PCDHA13: variants seen among roughly 807,000 people sequenced by gnomAD.
The protein encoded by PCDHA13 is protocadherin alpha-13.
Under a neutral mutation model 64.8 loss-of-function variants are expected in PCDHA13, and 54 were observed. The ratio of observed to expected loss-of-function variants is 0.83; its 90% CI spans 0.67 to 1.04. The LOEUF (loss-of-function observed/expected upper bound fraction) is 1.04. PCDHA13 is among the 50% of genes least tolerant of loss of function. PCDHA13 has a pLI of 0.00. For synonymous variants in PCDHA13, 587 were observed against 564.4 expected (o/e 1.04, Z -0.57); for missense variants, 1,248 against 1,254.3 (o/e 0.99, Z 0.08).
chr5:140,988,324 C>T (rs2097292768), intron 3 of PCDHA13, among the ~76,000 whole-genome samples: 1 of 152,206 alleles, frequency 6.6e-6, no homozygotes, highest in African/African-American at 2.4e-5. Flanking sequence ...CTTTCTCTAC[C>T]CGAGGAAAGT....
At chr5:141,004,597 C>CTTAG (rs1554259623) in intron 3 of PCDHA13, among the ~76,000 whole-genome samples, 1 of 152,218 alleles carries the variant, frequency 6.6e-6, no homozygotes, top group African/African-American at 2.4e-5. Flanking sequence ...GATGACAGTG[C>CTTAG]TTAGGCCTCA....
intron 1 of PCDHA13, among the ~76,000 whole-genome samples, chr5:140,917,338 G>GGGGGGGGTGGGT (rs2078134893): frequency 7.3e-6 from 1 of 137,894 alleles, no homozygotes; most frequent in Non-Finnish European, 1.6e-5. Flanking sequence ...GGAGGGGGGG[G>GGGGGGGGTGGGT]ATGGTGTAGG....
intron 3 of PCDHA13, among the ~76,000 whole-genome samples, chr5:140,992,857 C>G (rs1234991129): frequency 6.6e-6 from 1 of 152,148 alleles, no homozygotes; most frequent in African/African-American, 2.4e-5. Context: ...ACCAGTTTCA[C>G]TCTAGCTCCC....
At chr5:140,968,684 G>A in intron 1 of PCDHA13, 1 of 1,614,140 alleles carries the variant, frequency 6.2e-7, no homozygotes, top group Non-Finnish European at 8.5e-7. Flanking sequence ...GCTGCACACA[G>A]GAGAAATTAG....
intron 1 of PCDHA13, among the ~76,000 whole-genome samples, chr5:140,909,839 C>A (rs2074714040): frequency 1.3e-5 from 2 of 152,146 alleles, no homozygotes; most frequent in Admixed American, 6.5e-5. Context: ...GGAGGACCAC[C>A]AGGACGTTTT....
chr5:140,926,905 G>A (rs1228610236), intron 1 of PCDHA13: 1 of 1,558,988 alleles, frequency 6.4e-7, no homozygotes, highest in Admixed American at 1.8e-5. Flanking sequence ...GGTGGGCTGT[G>A]GGGTGGCAGT....
At chr5:140,969,468 AT>A (rs1264391543) in intron 1 of PCDHA13, 1 of 1,486,422 alleles carries the variant, frequency 6.7e-7, no homozygotes, top group Non-Finnish European at 9.0e-7. Context: ...AGTATCCACA[AT>A]TTGATCATAA....
intron 1 of PCDHA13, among the ~76,000 whole-genome samples, chr5:140,949,595 G>A (rs1342869045): frequency 1.3e-5 from 2 of 151,566 alleles, no homozygotes; most frequent in Admixed American, 6.6e-5. Context: ...TATTAATGTG[G>A]CCATTCTAGT....
Position 140,927,881 on chromosome 5 carries a change from T to C in PCDHA13, c.2394+43219T>C, listed in dbSNP as rs781982234. 10 of 1,613,978 alleles carry C rather than the reference T, an allele frequency of 6.2e-6. No homozygotes were observed. Among genetic ancestry groups the C allele is most frequent in the Non-Finnish European group, 8.5e-6 (10 of 1,180,010 alleles). Reference sequence around the variant, plus strand: ...AGCACCGCTAAACTGCTGGTGGAGGTGACTGACGTGAACGATCATGCCCCC... The same window carrying C: ...AGCACCGCTAAACTGCTGGTGGAGGCGACTGACGTGAACGATCATGCCCCC... On this transcript the variant is annotated intron_variant, in intron 1 of 3. Coordinates refer to ENST00000289272, the MANE Select transcript of PCDHA13 (RefSeq NM_018904.3).
intron 1 of PCDHA13, among the ~76,000 whole-genome samples, chr5:140,974,338 A>G (rs1554235945): frequency 6.6e-6 from 1 of 152,212 alleles, no homozygotes; most frequent in Non-Finnish European, 1.5e-5. Flanking sequence ...CTAGCAGGCT[A>G]TGCATCCAGA....
intron 1 of PCDHA13, among the ~76,000 whole-genome samples, chr5:140,976,505 C>T (rs538128648): frequency 3.3e-5 from 5 of 152,122 alleles, no homozygotes; most frequent in East Asian, 3.9e-4. Flanking sequence ...GAGCCAAGAT[C>T]GCGCCACTGC....
At chr5:140,942,364 A>AT (rs1401660324) in intron 1 of PCDHA13, among the ~76,000 whole-genome samples, 1 of 152,040 alleles carries the variant, frequency 6.6e-6, no homozygotes, top group Non-Finnish European at 1.5e-5. Context: ...GTTAACGGAG[A>AT]TTGCACCACT....
chr5:140,935,765 A>G (rs1554210670), intron 1 of PCDHA13, among the ~76,000 whole-genome samples: 1 of 152,080 alleles, frequency 6.6e-6, no homozygotes, highest in Non-Finnish European at 1.5e-5. Flanking sequence ...ATTCTTCCCC[A>G]CTTTGAGTTT....
At chr5:140,941,219 C>CTT (rs1308794823) in intron 1 of PCDHA13, among the ~76,000 whole-genome samples, 11 of 125,974 alleles carry the variant, frequency 8.7e-5, no homozygotes, top group African/African-American at 3.2e-4. Flanking sequence ...TTCTTCCTTT[C>CTT]TTTCTTTCTT....
chr5:140,994,637 G>A (rs1355719166), intron 3 of PCDHA13, among the ~76,000 whole-genome samples: 1 of 152,078 alleles, frequency 6.6e-6, no homozygotes, highest in Non-Finnish European at 1.5e-5. Context: ...CCTGGAAGGT[G>A]GAGGTTGCAG....
chr5:140,957,333 A>T (rs2095351211), intron 1 of PCDHA13, among the ~76,000 whole-genome samples: 1 of 152,164 alleles, frequency 6.6e-6, no homozygotes, highest in African/African-American at 2.4e-5. Context: ...GTACAGTAAG[A>T]TATTTTGAGA....
chr5:140,910,022 C>G (rs2074840302), intron 1 of PCDHA13, among the ~76,000 whole-genome samples: 1 of 152,174 alleles, frequency 6.6e-6, no homozygotes, highest in South Asian at 2.1e-4. Context: ...CCTTGTATCC[C>G]TGGGATAAAT....
intron 1 of PCDHA13, among the ~76,000 whole-genome samples, chr5:140,915,224 G>C (rs2077030896): frequency 6.6e-6 from 1 of 152,144 alleles, no homozygotes; most frequent in African/African-American, 2.4e-5. Context: ...TGGGATTACA[G>C]GCATGAGCCA....
In PCDHA13 at chr5:140,882,469, G is replaced by C; in HGVS notation, c.201G>C (p.Ala67=). Reference sequence around the variant, plus strand: ...TGGTGCCGCGCCTGTTCCGGGTGGCGTCCAAAAGACACGGGGACCTTCTGG... The same window carrying C: ...TGGTGCCGCGCCTGTTCCGGGTGGCCTCCAAAAGACACGGGGACCTTCTGG... ...AELVPRLFRV[A]SKRHGDLLEV... is the part of the protein sequence containing the mutation. Residue 67 remains alanine (A), a synonymous_variant, in exon 1 of 4, where the codon GCG becomes GCC. Coordinates refer to ENST00000289272, the MANE Select transcript of PCDHA13 (RefSeq NM_018904.3). The C allele has an allele frequency of 1.2e-6, 2 of 1,614,032 alleles. 1 individual carries two copies. Among genetic ancestry groups the C allele is most frequent in the South Asian group, 2.2e-5 (2 of 91,072 alleles).
Sources: allele counts gnomAD v4.1 joint callset (sites outside exome capture counted in the v4.1 genomes callset), GRCh38; gene constraint gnomAD v4.1.1; transcripts MANE v1.5; gene names NCBI Gene and HGNC (gene_info 2026-07-23, HGNC 2026-07-21).